Variants in CDH18 observed in about 807,000 individuals in gnomAD.
CDH18 encodes the protein cadherin-18.
A neutral mutation model predicts 67.9 loss-of-function variants in CDH18; 31 were observed. The ratio of observed to expected loss-of-function variants is 0.46; its 90% CI spans 0.34 to 0.62. The LOEUF (loss-of-function observed/expected upper bound fraction) is 0.62, where lower values mean the gene tolerates loss of function less well. CDH18 is among the 20% of genes least tolerant of loss of function. The probability of loss-of-function intolerance (pLI) is 0.01; values close to 1 mark genes in which losing one functional copy is unlikely to be tolerated. For missense variants in CDH18, 890 were observed against 975.5 expected, an observed-to-expected ratio of 0.91 and a Z score of 1.17; for synonymous variants, 362 against 347.2, an observed-to-expected ratio of 1.04 and a Z score of -0.48.
chr5:20,427,041 T>C (rs1048580193), intron 1 of CDH18, among the ~76,000 whole-genome samples: 3 of 151,300 alleles, frequency 2.0e-5, no homozygotes, highest in Admixed American at 1.3e-4. Flanking sequence ...TAATTACTCA[T>C]TAAGTGGCAG....
intron 4 of CDH18, among the ~76,000 whole-genome samples, chr5:19,744,807 A>G (rs1769760630): frequency 2.0e-5 from 3 of 152,116 alleles, no homozygotes; most frequent in African/African-American, 7.2e-5. Context: ...TGAGGGTAAC[A>G]TATTCATTTT....
chr5:20,103,063 A>C (rs530921381), intron 2 of CDH18, among the ~76,000 whole-genome samples: 1 of 152,224 alleles, frequency 6.6e-6, no homozygotes, highest in Admixed American at 6.5e-5. Flanking sequence ...CAGGGTGAGC[A>C]TATCAGTAAC....
At chr5:19,547,735 G>A (rs1405953921) in intron 8 of CDH18, among the ~76,000 whole-genome samples, 2 of 152,040 alleles carry the variant, frequency 1.3e-5, no homozygotes, top group African/African-American at 2.4e-5. Flanking sequence ...ATTTGCTTCC[G>A]AGTTTCCTAA....
intron 2 of CDH18, among the ~76,000 whole-genome samples, chr5:20,015,720 A>G (rs1345581314): frequency 2.6e-5 from 4 of 152,136 alleles, no homozygotes. Flanking sequence ...GCCATGGATT[A>G]CTGAATGTTC....
At chr5:20,007,207 G>A (rs562366774) in intron 2 of CDH18, among the ~76,000 whole-genome samples, 2 of 151,768 alleles carry the variant, frequency 1.3e-5, no homozygotes, top group East Asian at 3.9e-4. Flanking sequence ...GATAACAAAT[G>A]GTGAAAAGAT....
At chr5:19,540,128 T>C (rs536231543) in intron 9 of CDH18, among the ~76,000 whole-genome samples, 75 of 152,058 alleles carry the variant, frequency 4.9e-4, no homozygotes, top group African/African-American at 1.8e-3. Context: ...ATATAGCCAT[T>C]CCAAATGGGA....
At chr5:20,006,461 T>G (rs751529069) in intron 2 of CDH18, among the ~76,000 whole-genome samples, 3 of 152,088 alleles carry the variant, frequency 2.0e-5, no homozygotes, top group Non-Finnish European at 4.4e-5. Context: ...ACTGTTAGAA[T>G]TTTTAAACTA....
intron 2 of CDH18, among the ~76,000 whole-genome samples, chr5:19,852,865 C>A (rs1237675461): frequency 6.6e-6 from 1 of 152,010 alleles, no homozygotes; most frequent in Non-Finnish European, 1.5e-5. Context: ...TCCAGAGCAA[C>A]CGGTGGCCTT....
chr5:19,671,561 T>C (rs1758756905), intron 5 of CDH18, among the ~76,000 whole-genome samples: 1 of 152,132 alleles, frequency 6.6e-6, no homozygotes, highest in African/African-American at 2.4e-5. Flanking sequence ...TGATGAGAAT[T>C]GCTGAATCTT....
intron 2 of CDH18, among the ~76,000 whole-genome samples, chr5:20,043,003 T>G (rs1740584104): frequency 6.6e-6 from 1 of 151,840 alleles, no homozygotes; most frequent in Non-Finnish European, 1.5e-5. Flanking sequence ...AATAAAACAT[T>G]TTATGTGTTT....
At chr5:20,395,001 A>G (rs1435495784) in intron 1 of CDH18, among the ~76,000 whole-genome samples, 1 of 152,214 alleles carries the variant, frequency 6.6e-6, no homozygotes, top group African/African-American at 2.4e-5. Context: ...AGGAATGTAA[A>G]TTAGTACAGC....
chr5:20,170,539 A>G (rs1736617055), intron 2 of CDH18, among the ~76,000 whole-genome samples: 1 of 152,116 alleles, frequency 6.6e-6, no homozygotes, highest in African/African-American at 2.4e-5. Flanking sequence ...TTTTAATAGC[A>G]TACTAATAAT....
chr5:19,573,284 CTT>C (rs538332321), intron 7 of CDH18, among the ~76,000 whole-genome samples: 2 of 145,748 alleles, frequency 1.4e-5, no homozygotes, highest in Non-Finnish European at 1.5e-5. Context: ...GTTGCATACT[CTT>C]TTTTTTTTTT....
intron 1 of CDH18, among the ~76,000 whole-genome samples, chr5:20,297,096 A>G (rs1747597214): frequency 6.6e-6 from 1 of 152,154 alleles, no homozygotes; most frequent in African/African-American, 2.4e-5. Flanking sequence ...TACTTAACAT[A>G]TATTTAAATA....
chr5:20,403,917 C>T (rs931176355), intron 1 of CDH18, among the ~76,000 whole-genome samples: 9 of 152,176 alleles, frequency 5.9e-5, no homozygotes, highest in Non-Finnish European at 1.5e-5. Context: ...AAGACGGTTT[C>T]CCTACATTGA....
chr5:20,519,942 C>CTTTTT lies in CDH18; in HGVS notation c.-580+55515_-580+55519dup, dbSNP rs777265512. Among the ~76,000 whole-genome samples, 26 of 41,686 alleles carry CTTTTT rather than the reference C, an allele frequency of 6.2e-4. 6 individuals carry two copies. The highest frequency in any genetic ancestry group is 1.1e-3 in the African/African-American group (12 of 11,258). 27.3% of individuals were successfully genotyped at this position (41,686 alleles called of 152,430 possible). A position where few individuals can be genotyped will look rare whatever the true frequency, so the allele number is the denominator to read the frequency against. On this transcript the variant is annotated intron_variant, in intron 1 of 14. Transcript: ENST00000507958. ...AGGCTGGAGTACAACACAGTCTTGG[C>CTTTTT]TTTTTTTTTTTTTTTTTTTTTTTTT...
At chr5:20,027,727 G>A (rs1157716432) in intron 2 of CDH18, among the ~76,000 whole-genome samples, 1 of 152,156 alleles carries the variant, frequency 6.6e-6, no homozygotes, top group Non-Finnish European at 1.5e-5. Flanking sequence ...TCTTAAGGGG[G>A]ATTATGGCTT....
At chr5:20,406,794 C>A (rs1746308191) in intron 1 of CDH18, among the ~76,000 whole-genome samples, 1 of 152,006 alleles carries the variant, frequency 6.6e-6, no homozygotes, top group Non-Finnish European at 1.5e-5. Context: ...ATAGACACAC[C>A]AATTCAACAA....
intron 4 of CDH18, among the ~76,000 whole-genome samples, chr5:19,745,059 G>T (rs1031130351): frequency 4.6e-5 from 7 of 151,988 alleles, no homozygotes; most frequent in Non-Finnish European, 7.4e-5. Context: ...CACATGATAG[G>T]TCTAATGAAT....
Sources: allele counts gnomAD v4.1 joint callset (sites outside exome capture counted in the v4.1 genomes callset), GRCh38; gene constraint gnomAD v4.1.1; transcripts MANE v1.5; gene names NCBI Gene and HGNC (gene_info 2026-07-23, HGNC 2026-07-21).